FBXO36: variants seen among roughly 807,000 people sequenced by gnomAD.
FBXO36 encodes F-box protein 36.
Under a neutral mutation model 17.0 loss-of-function variants are expected in FBXO36, and 18 were observed. The ratio of observed to expected loss-of-function variants is 1.06; its 90% CI spans 0.73 to 1.57. The LOEUF (loss-of-function observed/expected upper bound fraction) is 1.57, where lower values mean the gene tolerates loss of function less well. Among genes scored for constraint, FBXO36 ranks in the 40% most tolerant of loss-of-function variants. The pLI is 0.00. For synonymous variants in FBXO36, 83 were observed against 85.3 expected, an observed-to-expected ratio of 0.97 and a Z score of 0.15; for missense variants, 229 against 221.9, an observed-to-expected ratio of 1.03 and a Z score of -0.20.
intron 3 of FBXO36, among the ~76,000 whole-genome samples, chr2:229,997,541 G>T (rs906368469): frequency 2.0e-5 from 3 of 148,306 alleles, no homozygotes; most frequent in Non-Finnish European, 4.4e-5. Flanking sequence ...TCTCGCCACT[G>T]AACTCCAGCC....
chr2:229,948,578 C>G (rs540758871), intron 1 of FBXO36, among the ~76,000 whole-genome samples: 1 of 150,382 alleles, frequency 6.6e-6, no homozygotes, highest in Non-Finnish European at 1.5e-5. Flanking sequence ...CAGTTAGCCA[C>G]ATGACTAAAT....
chr2:229,989,196 A>G (rs2077285774), intron 2 of FBXO36, among the ~76,000 whole-genome samples: 1 of 152,074 alleles, frequency 6.6e-6, no homozygotes. Context: ...TTGTATGTTG[A>G]CATTCAGATC....
chr2:230,000,080 T>C (rs1053509261), intron 3 of FBXO36, among the ~76,000 whole-genome samples: 2 of 151,942 alleles, frequency 1.3e-5, no homozygotes, highest in Non-Finnish European at 2.9e-5. Context: ...TATTAGGGCC[T>C]GGCACGGTGG....
intron 1 of FBXO36, among the ~76,000 whole-genome samples, chr2:229,953,539 A>G: frequency 6.6e-6 from 1 of 151,414 alleles, no homozygotes; most frequent in Non-Finnish European, 1.5e-5. Context: ...AAAATTGGCC[A>G]AGCATAGTGG....
intron 1 of FBXO36, among the ~76,000 whole-genome samples, chr2:229,923,458 G>A (rs1217862851): frequency 2.6e-5 from 4 of 152,138 alleles, no homozygotes; most frequent in Admixed American, 6.5e-5. Flanking sequence ...CCTTTCAATA[G>A]ATACTATTCC....
chr2:229,982,017 G>A (rs2077242925), intron 2 of FBXO36, among the ~76,000 whole-genome samples: 2 of 151,120 alleles, frequency 1.3e-5, no homozygotes. Flanking sequence ...TGAGTTTTTT[G>A]TTTTGTTTTT....
At chr2:230,000,429 G>A (rs924113595) in intron 3 of FBXO36, among the ~76,000 whole-genome samples, 4 of 150,934 alleles carry the variant, frequency 2.7e-5, no homozygotes, top group Non-Finnish European at 4.4e-5. Context: ...AGAATTCTAC[G>A]TAAATAAAAT....
intron 1 of FBXO36, chr2:229,943,236 C>G (rs2077009235): frequency 6.6e-6 from 1 of 152,276 alleles, no homozygotes; most frequent in South Asian, 2.1e-4. Context: ...TTTGAGCCTC[C>G]ACAGCCAGCT....
intron 1 of FBXO36, among the ~76,000 whole-genome samples, chr2:229,958,909 C>T (rs1431677524): frequency 1.3e-5 from 2 of 152,106 alleles, no homozygotes; most frequent in Non-Finnish European, 2.9e-5. Context: ...ACATTGTGAC[C>T]AAGGCATTAT....
chr2:229,998,399 G>C (rs1483436901), intron 3 of FBXO36, among the ~76,000 whole-genome samples: 1 of 152,138 alleles, frequency 6.6e-6, no homozygotes, highest in Admixed American at 6.5e-5. Context: ...GAGGCGGTTG[G>C]ATCACCTGAG....
At chr2:229,935,876 C>T (rs1163234818) in intron 1 of FBXO36, among the ~76,000 whole-genome samples, 2 of 152,154 alleles carry the variant, frequency 1.3e-5, no homozygotes, top group Admixed American at 1.3e-4. Context: ...GAGCTTACAG[C>T]CTAGTGGGAG....
At chr2:230,007,886 C>A (rs1288018311) in intron 3 of FBXO36, among the ~76,000 whole-genome samples, 1 of 151,946 alleles carries the variant, frequency 6.6e-6, no homozygotes, top group African/African-American at 2.4e-5. Context: ...CTGCCACCAC[C>A]CCTGGCTAAT....
chr2:229,967,528 T>G (rs1028913692), intron 1 of FBXO36, among the ~76,000 whole-genome samples: 1 of 152,194 alleles, frequency 6.6e-6, no homozygotes, highest in African/African-American at 2.4e-5. Flanking sequence ...CATAAATAGC[T>G]GTTATTATTT....
At chr2:229,983,855 T>C (rs1396756577) in intron 2 of FBXO36, among the ~76,000 whole-genome samples, 1 of 152,162 alleles carries the variant, frequency 6.6e-6, no homozygotes, top group East Asian at 1.9e-4. Context: ...CACAGGATCC[T>C]TATGAGGACT....
Position 230,000,851 on chromosome 2 carries a change from CTTTT to C in FBXO36, c.378+3947_378+3950del, listed in dbSNP as rs71049612. ...TCCCCGCATAACATTAACCACTTTT[CTTTT>C]TTTTTTTTTTTTTTTTTTGAGTCAG... is the stretch of plus-strand genomic sequence containing the variant. On this transcript the variant is annotated intron_variant, in intron 3 of 3. Transcript: ENST00000283946. 3.4e-5 allele frequency among the ~76,000 whole-genome samples: 3 copies of C among 89,500 alleles called. No homozygotes were observed. The South Asian group carries it at 1.1e-3, about 34-fold the overall frequency. 58.7% of individuals were successfully genotyped at this position (89,500 alleles called of 152,430 possible).
At chr2:229,997,508 G>C (rs569535173) in intron 3 of FBXO36, among the ~76,000 whole-genome samples, 2 of 151,752 alleles carry the variant, frequency 1.3e-5, no homozygotes, top group Admixed American at 6.6e-5. Flanking sequence ...AACCCGGGAG[G>C]TGGAGGTTGC....
In FBXO36 at chr2:229,987,268, A is replaced by G. The variant is rs553759097; in HGVS notation, c.206-9483A>G. On this transcript the variant is annotated intron_variant, in intron 2 of 3. Transcript: ENST00000283946. ...TCAATACCACTAACAAAAGATGTTA[A>G]CATTTGTCCTATTTACTTCATTTCA... Among the ~76,000 whole-genome samples, 4 of 152,142 alleles carry G rather than the reference A, an allele frequency of 2.6e-5. No homozygotes were observed. In the East Asian group the frequency reaches 7.7e-4, roughly 29 times the overall value.
chr2:230,006,682 G>A (rs559923918), intron 3 of FBXO36, among the ~76,000 whole-genome samples: 1 of 152,272 alleles, frequency 6.6e-6, no homozygotes, highest in African/African-American at 2.4e-5. Context: ...AAGTGGGAGG[G>A]GCTGGGGAGT....
Position 229,922,924 on chromosome 2 carries a change from G to C in FBXO36, c.96+315G>C, listed in dbSNP as rs567533505. On this transcript the variant is annotated intron_variant, in intron 1 of 3. Coordinates refer to ENST00000283946, the MANE Select transcript of FBXO36 (RefSeq NM_174899.5). ...CGCGAAGAGGAAAACGGGCGTCTCC[G>C]GCTTGCGTGCGGCCTCACCTCAGCG... Among the ~76,000 whole-genome samples the C allele has an allele frequency of 7.2e-5, 11 of 152,306 alleles. No homozygotes were observed. The East Asian group carries it at 2.1e-3, about 29-fold the overall frequency.
Sources: allele counts gnomAD v4.1 joint callset (sites outside exome capture counted in the v4.1 genomes callset), GRCh38; gene constraint gnomAD v4.1.1; transcripts MANE v1.5; gene names NCBI Gene and HGNC (gene_info 2026-07-23, HGNC 2026-07-21).